Variants in IFT88 observed in about 807,000 individuals in gnomAD.
IFT88 encodes the protein intraflagellar transport 88.
IFT88 carries 74 observed loss-of-function variants against 119.5 expected under a neutral mutation model. The observed-to-expected ratio is 0.62, with a 90% CI of 0.51 to 0.75. IFT88 has a LOEUF of 0.75. IFT88 is among the 30% of genes least tolerant of loss of function. The pLI, the probability that IFT88 is intolerant of heterozygous loss-of-function variation, is 0.00. For synonymous variants in IFT88, 279 were observed against 316.7 expected (o/e 0.88, Z 1.26); for missense variants, 961 against 977.7 (o/e 0.98, Z 0.23).
chr13:20,622,422 C>T (rs916638273), intron 14 of IFT88, among the ~76,000 whole-genome samples: 1 of 152,178 alleles, frequency 6.6e-6, no homozygotes, highest in African/African-American at 2.4e-5. Flanking sequence ...TTCAAAGTTG[C>T]TGTACCATTT....
At chr13:20,635,723 G>T (rs1054930842) in intron 16 of IFT88, among the ~76,000 whole-genome samples, 30 of 152,142 alleles carry the variant, frequency 2.0e-4, no homozygotes, top group African/African-American at 7.0e-4. Context: ...GGGGCCTGTC[G>T]GGGAGTGGAA....
At chr13:20,635,902 A>G (rs549993869) in intron 16 of IFT88, among the ~76,000 whole-genome samples, 2 of 152,122 alleles carry the variant, frequency 1.3e-5, no homozygotes, top group African/African-American at 2.4e-5. Context: ...AAAGTAAAAA[A>G]TAAAAAAAAA....
At chr13:20,598,233 TTGTAA>T (rs2139003901) in intron 9 of IFT88, among the ~76,000 whole-genome samples, 1 of 152,196 alleles carries the variant, frequency 6.6e-6, no homozygotes, top group East Asian at 1.9e-4. Context: ...ATTACTTAAA[TTGTAA>T]TTTAGTATAT....
intron 14 of IFT88, among the ~76,000 whole-genome samples, chr13:20,622,052 A>G (rs1362042366): frequency 6.6e-6 from 1 of 152,112 alleles, no homozygotes; most frequent in Non-Finnish European, 1.5e-5. Context: ...TCCCTTATCC[A>G]CAATGCTTGG....
intron 13 of IFT88, among the ~76,000 whole-genome samples, chr13:20,615,144 A>G (rs758114867): frequency 1.3e-5 from 2 of 152,178 alleles, no homozygotes; most frequent in African/African-American, 2.4e-5. Flanking sequence ...TTAATACAGC[A>G]TAGTATAAAG....
At chr13:20,600,820 A>G (rs1302484568) in intron 11 of IFT88, among the ~76,000 whole-genome samples, 2 of 152,248 alleles carry the variant, frequency 1.3e-5, no homozygotes, top group East Asian at 1.9e-4. Flanking sequence ...ACAAACATTC[A>G]TAACAATTAT....
chr13:20,597,482 C>A (rs3002162), intron 9 of IFT88, among the ~76,000 whole-genome samples: 3 of 151,874 alleles, frequency 2.0e-5, no homozygotes, highest in African/African-American at 4.8e-5. Context: ...CCGTGGCTCA[C>A]GCCTGTAATC....
At chr13:20,576,179 T>G (rs1050565818) in intron 2 of IFT88, among the ~76,000 whole-genome samples, 3 of 152,172 alleles carry the variant, frequency 2.0e-5, no homozygotes, top group Admixed American at 1.3e-4. Flanking sequence ...TTTTTAGAAA[T>G]ATCTATTCAG....
chr13:20,608,795 G>A (rs1194794882), intron 13 of IFT88, among the ~76,000 whole-genome samples: 2 of 152,164 alleles, frequency 1.3e-5, no homozygotes, highest in African/African-American at 4.8e-5. Flanking sequence ...ATTGCAATTA[G>A]CATCCAATTC....
In IFT88 at chr13:20,597,129, G is replaced by C. The variant is rs979354559; in HGVS notation, c.594+10G>C. On this transcript the variant is annotated intron_variant, in intron 9 of 25. Transcript: ENST00000351808. The stretch of plus-strand genomic sequence containing the variant: ...GGATTTAACTTACTCAGTAAGTATT[G>C]AAATATAACACAATTTTTAAATAAA... 2 of 1,425,420 alleles carry C rather than the reference G, an allele frequency of 1.4e-6. No individual in the cohort carries two copies. The highest frequency in any genetic ancestry group is 2.9e-5 in the African/African-American group (2 of 69,696). The allele number at this position is 1,425,420 out of a possible 1,614,324, so 88.3% of individuals were successfully genotyped here. A position where few individuals can be genotyped will look rare whatever the true frequency, so the allele number is the denominator to read the frequency against.
chr13:20,633,830 C>T (rs555139563), intron 16 of IFT88, among the ~76,000 whole-genome samples: 2 of 152,182 alleles, frequency 1.3e-5, no homozygotes, highest in African/African-American at 4.8e-5. Flanking sequence ...TGCTGGTATC[C>T]GGCATATAGT....
intron 1 of IFT88, chr13:20,567,855 GTTTT>G (rs954866198): frequency 3.3e-6 from 3 of 897,728 alleles, no homozygotes; most frequent in Admixed American, 3.0e-5. Context: ...CTGGTTGTGA[GTTTT>G]TTTTGTTTGT....
intron 22 of IFT88, among the ~76,000 whole-genome samples, chr13:20,661,463 C>T (rs758384801): frequency 6.6e-5 from 10 of 152,112 alleles, no homozygotes; most frequent in South Asian, 2.1e-4. Context: ...CGGCTGGGTG[C>T]GGTGGCACAC....
chr13:20,642,948 T>C (rs533004662), intron 18 of IFT88: 2 of 147,038 alleles, frequency 1.4e-5, no homozygotes, highest in African/African-American at 2.5e-5. Flanking sequence ...TAGTAATTAA[T>C]CAAAAAGTAC....
intron 1 of IFT88, among the ~76,000 whole-genome samples, chr13:20,574,093 A>G (rs2036910489): frequency 6.6e-6 from 1 of 152,222 alleles, no homozygotes; most frequent in Non-Finnish European, 1.5e-5. Context: ...TTGGGAGGCC[A>G]AAGTGAGAGG....
At chr13:20,576,435 T>C (rs1159980848) in intron 2 of IFT88, among the ~76,000 whole-genome samples, 1 of 152,186 alleles carries the variant, frequency 6.6e-6, no homozygotes. Context: ...TCAATAAATC[T>C]TTGCCCAGTC....
intron 1 of IFT88, 53 bp from the exon 2 acceptor site, chr13:20,574,327 T>C (rs2036957587): frequency 1.0e-6 from 1 of 966,980 alleles, no homozygotes; most frequent in Non-Finnish European, 1.6e-6. Context: ...TCAAAAAATA[T>C]ATATATATAT....
intron 1 of IFT88, among the ~76,000 whole-genome samples, chr13:20,570,603 G>T (rs948393957): frequency 2.6e-5 from 4 of 152,194 alleles, no homozygotes; most frequent in African/African-American, 9.7e-5. Flanking sequence ...AAAGAGACCA[G>T]ACACAAAAGG....
intron 13 of IFT88, chr13:20,607,429 G>T: frequency 1.5e-6 from 1 of 654,228 alleles, no homozygotes; most frequent in South Asian, 1.5e-5. Flanking sequence ...TAAAGAAGCA[G>T]AGCAACAAGG....
Sources: gnomAD v4.1 joint callset for allele counts (sites outside exome capture counted in the v4.1 genomes callset) on GRCh38, gnomAD v4.1.1 for gene constraint, MANE v1.5 for transcripts, NCBI Gene and HGNC (gene_info 2026-07-23, HGNC 2026-07-21) for gene names.